Variants in ITGA5 observed in about 807,000 individuals in gnomAD.
ITGA5 encodes integrin alpha-5.
Under a neutral mutation model 146.3 loss-of-function variants are expected in ITGA5, and 55 were observed. That is an observed-to-expected ratio of 0.38 (90% CI 0.30 to 0.47). The LOEUF is 0.47. Among genes scored for constraint, ITGA5 ranks in the 20% least tolerant of loss-of-function variants. The pLI is 0.99. For synonymous variants in ITGA5, 500 were observed against 531.8 expected, an observed-to-expected ratio of 0.94 and a Z score of 0.82; for missense variants, 1,131 against 1,329.0, an observed-to-expected ratio of 0.85 and a Z score of 2.32.
At position 54,405,729 on chromosome 12, in the gene ITGA5, A is replaced by T; in HGVS notation, c.964-13T>A. ...AGTAGGAGGCCATCTGGGGAGGACA[A>T]AGGGGCAGCGCTGGGTCAGAACTAG... On this transcript the variant is annotated splice_polypyrimidine_tract_variant and intron_variant, in intron 10 of 29. Coordinates refer to ENST00000293379, the MANE Select transcript of ITGA5 (RefSeq NM_002205.5). 1 of 1,613,932 alleles carries T rather than the reference A, an allele frequency of 6.2e-7. No homozygotes were observed. Among genetic ancestry groups the T allele is most frequent in the Non-Finnish European group, 8.5e-7 (1 of 1,179,848 alleles).
intron 1 of ITGA5, among the ~76,000 whole-genome samples, chr12:54,415,780 ACAC>A (rs1293722869): frequency 6.6e-6 from 1 of 152,180 alleles, no homozygotes; most frequent in Non-Finnish European, 1.5e-5. Flanking sequence ...CCAGAGGAGG[ACAC>A]CTGGTTTGGG....
chr12:54,398,545 C>A, intron 28 of ITGA5, 52 bp downstream of exon 28: 2 of 1,339,938 alleles, frequency 1.5e-6, no homozygotes, highest in Non-Finnish European at 1.1e-6. Context: ...AGCCCTGTTC[C>A]AGCACTCTGA....
At chr12:54,398,087 A>G (rs535419586) in intron 28 of ITGA5, among the ~76,000 whole-genome samples, 2 of 152,072 alleles carry the variant, frequency 1.3e-5, no homozygotes, top group Non-Finnish European at 2.9e-5. Context: ...TTGTAGAGAC[A>G]GGATCTCACT....
In ITGA5 at chr12:54,398,860, G is replaced by A. The variant is rs142870310; in HGVS notation, c.2842-162C>T. On this transcript the variant is annotated intron_variant, in intron 27 of 29. Coordinates refer to ENST00000293379, the MANE Select transcript of ITGA5 (RefSeq NM_002205.5). ...CTTTTTTTTTTTTTTTTTTTTTTGA[G>A]ACTAGGTCTCACTCTGTCCCCCAGG... 4,051 of 455,676 alleles carry A rather than the reference G, an allele frequency of 8.9e-3. 63 individuals are homozygous for A. The highest frequency in any genetic ancestry group is 0.014 in the South Asian group (525 of 36,708). 28.2% of individuals were successfully genotyped at this position (455,676 alleles called of 1,614,324 possible).
rs745882584 is a variant in ITGA5, at chr12:54,396,341, G to A, written c.3102C>T (p.Thr1034=). Residue 1034 remains threonine, a synonymous_variant, in exon 30 of 30, where the codon ACC becomes ACT. Coordinates refer to ENST00000293379, the MANE Select transcript of ITGA5 (RefSeq NM_002205.5). Reference sequence around the variant, plus strand: ...GCTTGAGCTGAGCTTTTTCCATGGCGGTGCCATATGGGAGGGAGCGTTTGA... The same window carrying A: ...GCTTGAGCTGAGCTTTTTCCATGGCAGTGCCATATGGGAGGGAGCGTTTGA... ...GFFKRSLPYG[T]AMEKAQLKPP... The A allele has an allele frequency of 1.9e-5, 31 of 1,613,952 alleles. No individual in the cohort carries two copies. Among genetic ancestry groups the A allele is most frequent in the African/African-American group, 5.3e-5 (4 of 74,918 alleles).
intron 27 of ITGA5, 184 bp from the exon 28 acceptor site, chr12:54,398,882 C>T (rs1165036352): frequency 2.0e-6 from 1 of 495,464 alleles, no homozygotes. Context: ...CTCTGTCCCC[C>T]AGGCTGGAGT....
Position 54,397,231 on chromosome 12 carries a change from G to A in ITGA5, c.3066+134C>T, listed in dbSNP as rs1955722296. On this transcript the variant is annotated intron_variant, in intron 29 of 29. Transcript: ENST00000293379. The stretch of plus-strand genomic sequence containing the variant: ...GATCTTATAGGAAGGGTTAGGATGG[G>A]ATGCATGTAGCCAGGACAGAGGTGG... 3 of 883,838 alleles carry A rather than the reference G, an allele frequency of 3.4e-6. No individual in the cohort carries two copies. In the Admixed American group the frequency reaches 6.3e-5, roughly 19 times the overall value. 54.7% of individuals were successfully genotyped at this position (883,838 alleles called of 1,614,324 possible). A position where few individuals can be genotyped will look rare whatever the true frequency, so the allele number is the denominator to read the frequency against.
At chr12:54,405,791 T>C (rs75195006) in intron 10 of ITGA5, 75 bp from the exon 11 acceptor site, 5 of 1,602,168 alleles carry the variant, frequency 3.1e-6, no homozygotes, top group Non-Finnish European at 4.3e-6. Context: ...GGCTGGGAAG[T>C]TGGGCTGACA....
At position 54,408,436 on chromosome 12, in the gene ITGA5, G is replaced by A. The variant is rs552049729; in HGVS notation, c.692-201C>T. ...CTATGTGCCAGGGGACTTAAAGAAT[G>A]GCAGAAACAGGCAGGGCGCGGCGGC... On this transcript the variant is annotated intron_variant, in intron 6 of 29. Coordinates refer to ENST00000293379, the MANE Select transcript of ITGA5 (RefSeq NM_002205.5). Among the ~76,000 whole-genome samples, 3 of 152,154 alleles carry A rather than the reference G, an allele frequency of 2.0e-5. No individual in the cohort carries two copies. In the South Asian group the frequency reaches 6.2e-4, roughly 32 times the overall value.
chr12:54,400,075 C>A, intron 25 of ITGA5, 128 bp from the exon 26 acceptor site: 1 of 692,456 alleles, frequency 1.4e-6, no homozygotes, highest in Non-Finnish European at 2.6e-6. Context: ...CAACTGTCCA[C>A]CTCCTATGCG....
chr12:54,405,507 A>G, intron 11 of ITGA5, 133 bp from the exon 12 acceptor site: 2 of 1,005,528 alleles, frequency 2.0e-6, no homozygotes, highest in Admixed American at 4.5e-5. Context: ...ATCAGCTCTC[A>G]GCTCTTTCCT....
chr12:54,418,939 G>A, intron 1 of ITGA5, 42 bp downstream of exon 1: 7 of 1,596,578 alleles, frequency 4.4e-6, no homozygotes, highest in Non-Finnish European at 6.0e-6. Flanking sequence ...GTCTCCAGGC[G>A]GCTCCCCCAC....
In ITGA5 at chr12:54,404,797, C is replaced by G. The variant is rs762352251; in HGVS notation, c.1323G>C (p.Gln441His). ...TGGCTGCCCACAGGGGCTGCAGAAC[C>G]TGGGAAGGCTTAGAGCCCAGCCCTC... ...GPGGLGSKPS[Q>H]VLQPLWAASH... Residue 441 changes from glutamine (Q) to histidine (H), a missense_variant, in exon 13 of 30, where the codon CAG becomes CAC. Coordinates refer to ENST00000293379, the MANE Select transcript of ITGA5 (RefSeq NM_002205.5). 1.2e-6 allele frequency: 2 copies of G among 1,614,054 alleles called. No homozygotes were observed. The highest frequency in any genetic ancestry group is 2.2e-5 in the South Asian group (2 of 91,082).
intron 12 of ITGA5, 59 bp from the exon 13 acceptor site, chr12:54,404,953 T>C: frequency 7.4e-7 from 1 of 1,350,022 alleles, no homozygotes; most frequent in Non-Finnish European, 1.0e-6. Flanking sequence ...CTCTAATCTC[T>C]ACTACCAGAC....
rs199727840 is a variant in ITGA5 at position 54,405,879 on chromosome 12, T to C, written c.954A>G (p.Ser318=). ...TGAGGGGTATCCTTACCTGTTCCCC[T>C]GAGAAGTTGTAGAGGGATCGAATGT... ...GSDIRSLYNF[S]GEQMASYFGY... is the part of the protein sequence containing the mutation. Residue 318 remains serine, a synonymous_variant, in exon 10 of 30, where the codon TCA becomes TCG. Coordinates refer to ENST00000293379, the MANE Select transcript of ITGA5 (RefSeq NM_002205.5). The C allele has an allele frequency of 2.7e-5, 43 of 1,613,164 alleles. No homozygotes were observed. The highest frequency in any genetic ancestry group is 3.6e-5 in the Non-Finnish European group (43 of 1,179,172).
chr12:54,416,011 T>G lies in ITGA5; in HGVS notation c.218+2970A>C, dbSNP rs560110539. ...CTTGAATGTTTCCTAAACTAACTTC[T>G]GGTTCAAAATTTCTATGACTCCTGA... is the stretch of plus-strand genomic sequence containing the variant. On this transcript the variant is annotated intron_variant, in intron 1 of 29. Coordinates refer to ENST00000293379, the MANE Select transcript of ITGA5 (RefSeq NM_002205.5). This position sits in a 1 kb window ranked among gnomAD's most constrained non-coding sequence, Gnocchi z 4.1. 6.6e-6 allele frequency among the ~76,000 whole-genome samples: 1 copy of G among 152,226 alleles called. No individual in the cohort carries two copies. The highest frequency in any genetic ancestry group is 1.5e-5 in the Non-Finnish European group (1 of 68,040).
chr12:54,408,280 A>AG (rs898205530), intron 6 of ITGA5, 45 bp from the exon 7 acceptor site: 28 of 1,608,566 alleles, frequency 1.7e-5, no homozygotes, highest in Non-Finnish European at 2.4e-5. Context: ...GAAGTGGCAG[A>AG]GGGGGCTTGG....
At position 54,405,306 on chromosome 12, in the gene ITGA5, A is replaced by G. The variant is rs1389013565; in HGVS notation, c.1085T>C (p.Val362Ala). The G allele has an allele frequency of 5.0e-6, 8 of 1,613,136 alleles. No homozygotes were observed. The Admixed American group carries it at 1.2e-4, about 24-fold the overall frequency. Residue 362 changes from valine to alanine, a missense_variant, in exon 12 of 30, where the codon GTG becomes GCG. Around this residue, in one of 3 missense-constraint regions of ITGA5, gnomAD observed 889 missense variants for 1,021.5 expected, o/e 0.87. Transcript: ENST00000293379. The stretch of plus-strand genomic sequence containing the variant: ...CTGCAGGTAGACGTAGACCCTGCCC[A>G]CCTCCTGAGGCCGCCCGTCAGGGGT... ...DRTPDGRPQE[V>A]GRVYVYLQHP... is the part of the protein sequence containing the mutation.
intron 1 of ITGA5, among the ~76,000 whole-genome samples, chr12:54,415,682 ACT>A (rs1253631564): frequency 6.6e-6 from 1 of 152,068 alleles, no homozygotes; most frequent in African/African-American, 2.4e-5. Context: ...TTACTGTTTG[ACT>A]CTGTTGGCCT....
Sources: gnomAD v4.1 joint callset for allele counts (sites outside exome capture counted in the v4.1 genomes callset) on GRCh38, gnomAD v4.1.1 for gene constraint, gnomAD v4.1.1 regional missense constraint, Gnocchi (gnomAD v3.1) non-coding constraint, MANE v1.5 for transcripts, NCBI Gene and HGNC (gene_info 2026-07-23, HGNC 2026-07-21) for gene names.